Variants in TTC6 observed in about 807,000 individuals in gnomAD.
TTC6 encodes tetratricopeptide repeat protein 6.
Under a neutral mutation model 210.4 loss-of-function variants are expected in TTC6, and 172 were observed. The ratio of observed to expected loss-of-function variants is 0.82; its 90% CI spans 0.72 to 0.93. The LOEUF (loss-of-function observed/expected upper bound fraction) is 0.93, where lower values mean the gene tolerates loss of function less well. Among genes scored for constraint, TTC6 ranks in the 40% least tolerant of loss-of-function variants. The pLI is 0.00. For missense variants in TTC6, 2,414 were observed against 2,318.1 expected (o/e 1.04, Z -0.85); for synonymous variants, 804 against 819.6 (o/e 0.98, Z 0.32).
At chr14:37,751,125 A>G (rs1258690741) in exon 13 of TTC6, 2 of 1,533,254 alleles carry the variant, frequency 1.3e-6, no homozygotes, top group South Asian at 1.2e-5. Flanking sequence ...AACTATACCC[A>G]GGCAATTAAA....
intron 29 of TTC6, among the ~76,000 whole-genome samples, chr14:37,828,607 T>C (rs995450681): frequency 9.2e-5 from 14 of 152,116 alleles, no homozygotes; most frequent in African/African-American, 3.4e-4. Context: ...CTGTAATTTC[T>C]ATTTCCCATT....
At chr14:37,717,163 ACC>A (rs771271399) in intron 6 of TTC6, among the ~76,000 whole-genome samples, 8,645 of 148,460 alleles carry the variant, frequency 0.058, 379 homozygotes, top group Non-Finnish European at 0.091. Context: ...CCACCTAAGA[ACC>A]CCCCAAAAAA....
chr14:37,746,341 A>G (rs1002351565), intron 10 of TTC6, among the ~76,000 whole-genome samples: 1 of 152,174 alleles, frequency 6.6e-6, no homozygotes, highest in African/African-American at 2.4e-5. Context: ...AGCACATTCC[A>G]TATTGCAGAC....
chr14:37,680,898 A>C (rs1369440195), intron 2 of TTC6, among the ~76,000 whole-genome samples: 4 of 152,128 alleles, frequency 2.6e-5, no homozygotes, highest in Admixed American at 2.6e-4. Context: ...TATGACCCCC[A>C]CATACATAAA....
At chr14:37,601,807 G>A (rs1302739943) in intron 1 of TTC6, among the ~76,000 whole-genome samples, 1 of 152,116 alleles carries the variant, frequency 6.6e-6, no homozygotes, top group Admixed American at 6.6e-5. Context: ...CATATAGGGT[G>A]GTCAACGTGT....
intron 7 of TTC6, among the ~76,000 whole-genome samples, chr14:37,730,826 G>C (rs1309318523): frequency 6.6e-6 from 1 of 152,102 alleles, no homozygotes; most frequent in Non-Finnish European, 1.5e-5. Context: ...CATCCCACTT[G>C]GAACTTCTTG....
intron 25 of TTC6, 62 bp from the exon 28 acceptor site, chr14:37,817,516 A>C: frequency 7.0e-7 from 1 of 1,429,090 alleles, no homozygotes; most frequent in Non-Finnish European, 9.8e-7. Context: ...GTTAGAAGGA[A>C]GTTTAAGATA....
intron 1 of TTC6, among the ~76,000 whole-genome samples, chr14:37,603,571 G>C (rs986165073): frequency 6.6e-6 from 1 of 152,152 alleles, no homozygotes; most frequent in African/African-American, 2.4e-5. Flanking sequence ...AATTTAGGGC[G>C]AAAGCTTTCC....
Position 37,725,026 on chromosome 14 carries a change from CTAT to C in TTC6, c.1818+29_1818+31del, listed in dbSNP as rs922687422. ...AGGTAACATACCGAATGGGTTTTCT[CTAT>C]TATTGTTGTTGTTATTATTTAATAA... On this transcript the variant is annotated intron_variant, in intron 7 of 30. Transcript: ENST00000553443. 3.2e-5 allele frequency: 40 copies of C among 1,264,116 alleles called. No homozygotes were observed. In the African/African-American group the frequency reaches 4.0e-4, roughly 13 times the overall value. The allele number at this position is 1,264,116 out of a possible 1,614,324, so 78.3% of individuals were successfully genotyped here.
At chr14:37,766,417 T>C (rs1362948583) in intron 14 of TTC6, among the ~76,000 whole-genome samples, 1 of 152,232 alleles carries the variant, frequency 6.6e-6, no homozygotes, top group African/African-American at 2.4e-5. Context: ...TGTGTCCATG[T>C]GTTCTCAATA....
At chr14:37,751,276 A>G in intron 13 of TTC6, 51 bp downstream of exon 15, 2 of 1,332,000 alleles carry the variant, frequency 1.5e-6, no homozygotes, top group Non-Finnish European at 2.0e-6. Flanking sequence ...AGATTGCGAT[A>G]TCCTCATGCA....
At chr14:37,717,070 T>C (rs2095853928) in intron 6 of TTC6, among the ~76,000 whole-genome samples, 1 of 151,914 alleles carries the variant, frequency 6.6e-6, no homozygotes, top group Non-Finnish European at 1.5e-5. Flanking sequence ...ATATCAAAAT[T>C]TGTGGGACAT....
chr14:37,639,222 G>A (rs190090842), intron 1 of TTC6, among the ~76,000 whole-genome samples: 1 of 152,182 alleles, frequency 6.6e-6, no homozygotes, highest in African/African-American at 2.4e-5. Flanking sequence ...ACATACTTTT[G>A]CACATTGAAG....
intron 19 of TTC6, 113 bp downstream of exon 21, chr14:37,796,483 T>A (rs1405955958): frequency 1.9e-6 from 1 of 538,184 alleles, no homozygotes; most frequent in Non-Finnish European, 3.2e-6. Flanking sequence ...CAAATTAGAT[T>A]TTCAAACTTT....
At chr14:37,642,457 A>G (rs2095693742) in intron 1 of TTC6, among the ~76,000 whole-genome samples, 1 of 152,208 alleles carries the variant, frequency 6.6e-6, no homozygotes, top group Non-Finnish European at 1.5e-5. Context: ...GTTGCTGTTA[A>G]TATGAATAAA....
intron 3 of TTC6, among the ~76,000 whole-genome samples, chr14:37,693,455 C>T (rs943585462): frequency 7.2e-5 from 11 of 152,042 alleles, no homozygotes; most frequent in African/African-American, 2.7e-4. Flanking sequence ...AAGCATTCTA[C>T]AGATTCAATG....
chr14:37,784,318 A>G (rs376095685), intron 14 of TTC6, among the ~76,000 whole-genome samples: 12 of 152,290 alleles, frequency 7.9e-5, no homozygotes, highest in East Asian at 7.7e-4. Context: ...TATTGGGTAC[A>G]TATATATTTA....
In TTC6 at chr14:37,785,183, G is replaced by T. The variant is rs565207815; in HGVS notation, c.3267-2285G>T. Among the ~76,000 whole-genome samples the T allele has an allele frequency of 5.3e-5, 8 of 152,198 alleles. No individual in the cohort carries two copies. In the South Asian group the frequency reaches 6.2e-4, roughly 12 times the overall value. On this transcript the variant is annotated intron_variant, in intron 14 of 30. Transcript: ENST00000553443. ...AATGGTAGCCTGCCTTGCTAGGTTG[G>T]GGAAGTTCTCCTGGATAATATCCTG...
At chr14:37,756,840 G>A (rs971159779) in intron 14 of TTC6, among the ~76,000 whole-genome samples, 6 of 152,064 alleles carry the variant, frequency 3.9e-5, no homozygotes, top group Admixed American at 1.3e-4. Context: ...CCAGGTTTTG[G>A]TATCAGCATG....
Sources: allele counts gnomAD v4.1 joint callset (sites outside exome capture counted in the v4.1 genomes callset), GRCh38; gene constraint gnomAD v4.1.1; transcripts MANE v1.5; gene names NCBI Gene and HGNC (gene_info 2026-07-23, HGNC 2026-07-21).